ESR2: variants seen among roughly 807,000 people sequenced by gnomAD.
ESR2 encodes the protein estrogen receptor 2.
A neutral mutation model predicts 49.6 loss-of-function variants in ESR2; 36 were observed. The observed-to-expected ratio is 0.73, with a 90% CI of 0.56 to 0.96. The LOEUF (loss-of-function observed/expected upper bound fraction) is 0.96. ESR2 is among the 40% of genes least tolerant of loss of function. The pLI is 0.00. For missense variants in ESR2, 714 were observed against 693.0 expected (o/e 1.03, Z -0.34); for synonymous variants, 320 against 266.1 (o/e 1.20, Z -1.97).
intron 1 of ESR2, among the ~76,000 whole-genome samples, chr14:64,334,826 T>C (rs1450666680): frequency 6.6e-6 from 1 of 152,194 alleles, no homozygotes; most frequent in Non-Finnish European, 1.5e-5. Flanking sequence ...TTTGTATTTT[T>C]AGTAGAGACG....
chr14:64,240,035 G>A (rs141738252), intron 7 of ESR2, among the ~76,000 whole-genome samples: 12 of 152,354 alleles, frequency 7.9e-5, no homozygotes, highest in African/African-American at 2.4e-4. Flanking sequence ...AAACTGAGCT[G>A]AAATTTAGCT....
chr14:64,234,938 G>T, intron 8 of ESR2, 32 bp downstream of exon 8: 1 of 1,604,036 alleles, frequency 6.2e-7, no homozygotes, highest in South Asian at 1.1e-5. Context: ...CCCATCCCAA[G>T]CCCAAGCAGA....
chr14:64,276,714 G>C (rs1327821842), intron 3 of ESR2, among the ~76,000 whole-genome samples: 2 of 152,104 alleles, frequency 1.3e-5, no homozygotes, highest in African/African-American at 4.8e-5. Flanking sequence ...CAATAATAAA[G>C]AGTTAAATAA....
intron 1 of ESR2, among the ~76,000 whole-genome samples, chr14:64,315,239 G>C (rs2077239186): frequency 9.6e-6 from 1 of 103,810 alleles, no homozygotes; most frequent in Non-Finnish European, 1.8e-5. Flanking sequence ...GCGAGAGTCT[G>C]TCTCAAAAAA....
rs139951512 is a variant in ESR2, at chr14:64,282,893, G to GTA, written c.91_92dup (p.Ile32ThrfsTer7). The GTA allele has an allele frequency of 4.3e-5, 69 of 1,614,204 alleles. No homozygotes were observed. The East Asian group carries it at 1.5e-3, about 35-fold the overall frequency. On this transcript the variant is annotated frameshift_variant, in exon 2 of 9. Transcript: ENST00000341099. LOFTEE classifies it high-confidence loss of function. ...GGCTGTCTACATAGGAGGAAGGTAT[G>GTA]TATATGGAGCCGTGCTCCAGGGGTA...
At chr14:64,267,830 G>T (rs1173764600) in intron 4 of ESR2, among the ~76,000 whole-genome samples, 2 of 150,804 alleles carry the variant, frequency 1.3e-5, no homozygotes, top group African/African-American at 2.4e-5. Flanking sequence ...CTTGTAGTGG[G>T]CTGAGAATGG....
At chr14:64,333,516 A>G (rs1472606091) in intron 1 of ESR2, among the ~76,000 whole-genome samples, 1 of 152,156 alleles carries the variant, frequency 6.6e-6, no homozygotes, top group Non-Finnish European at 1.5e-5. Flanking sequence ...CACACTGCTG[A>G]TAAAGACATG....
intron 7 of ESR2, among the ~76,000 whole-genome samples, chr14:64,244,470 C>T (rs1268643188): frequency 6.6e-6 from 1 of 151,890 alleles, no homozygotes; most frequent in African/African-American, 2.4e-5. Flanking sequence ...TTGGCAGGCA[C>T]CGTCCAATTG....
Position 64,249,533 on chromosome 14 carries a change from T to A in ESR2, c.1225+13A>T. 2 of 1,612,956 alleles carry A rather than the reference T, an allele frequency of 1.2e-6. No individual in the cohort carries two copies. Among genetic ancestry groups the A allele is most frequent in the Non-Finnish European group, 1.7e-6 (2 of 1,179,566 alleles). On this transcript the variant is annotated intron_variant, in intron 7 of 8. Coordinates refer to ENST00000341099, the MANE Select transcript of ESR2 (RefSeq NM_001437.3). ...TCCCCGATAAAACATGGCCCAGCTG[T>A]GTGATTACTTACTGGAATTGAGCAG...
intron 1 of ESR2, among the ~76,000 whole-genome samples, chr14:64,315,243 CAAAAAAAAA>C (rs201805001): frequency 2.1e-5 from 1 of 46,800 alleles, no homozygotes; most frequent in African/African-American, 9.2e-5. Flanking sequence ...GAGTCTGTCT[CAAAAAAAAA>C]AAAAAAAAAA....
chr14:64,276,099 G>A (rs2076552577), intron 3 of ESR2, among the ~76,000 whole-genome samples: 1 of 151,892 alleles, frequency 6.6e-6, no homozygotes, highest in South Asian at 2.1e-4. Context: ...ATAATGCCTG[G>A]GTATGAAAGG....
intron 1 of ESR2, among the ~76,000 whole-genome samples, chr14:64,332,538 C>T (rs113607780): frequency 0.14 from 20,598 of 152,050 alleles, 1,835 homozygotes; most frequent in African/African-American, 0.25. Flanking sequence ...CGGTGGCTCA[C>T]GCCTGTAATC....
At position 64,230,082 on chromosome 14, in the gene ESR2, G is replaced by A. The variant is rs574859879; in HGVS notation, c.*3055C>T. On this transcript the variant is annotated 3_prime_UTR_variant, in exon 9 of 9. Transcript: ENST00000341099. ...AGCTACTCGGCGAGGGCGGGAATGG[G>A]GTGGGATGGGGCACTGTGGTGGGAG... is the stretch of plus-strand genomic sequence containing the variant. Among the ~76,000 whole-genome samples, 28 of 152,010 alleles carry A rather than the reference G, an allele frequency of 1.8e-4. 1 individual carries two copies. The South Asian group carries it at 5.4e-3, about 29-fold the overall frequency.
In ESR2 at chr14:64,233,412, A is replaced by G. The variant is rs2098729241; in HGVS notation, c.1407-89T>C. ...TCCCCGGCTCTCTTTGCTCAGAGCC[A>G]GTCTACCCCACCCCTAAACCCACTC... On this transcript the variant is annotated intron_variant, in intron 8 of 8. Coordinates refer to ENST00000341099, the MANE Select transcript of ESR2 (RefSeq NM_001437.3). 4 of 1,287,346 alleles carry G rather than the reference A, an allele frequency of 3.1e-6. No individual in the cohort carries two copies. In the Admixed American group the frequency reaches 5.5e-5, roughly 18 times the overall value. The allele number at this position is 1,287,346 out of a possible 1,614,324, so 79.7% of individuals were successfully genotyped here. A position where few individuals can be genotyped will look rare whatever the true frequency, so the allele number is the denominator to read the frequency against.
At position 64,311,691 on chromosome 14, in the gene ESR2, G is replaced by A. The variant is rs986227803; in HGVS notation, c.-91+26207C>T. Among the ~76,000 whole-genome samples, 4 of 150,182 alleles carry A rather than the reference G, an allele frequency of 2.7e-5. No homozygotes were observed. The Admixed American group carries it at 2.7e-4, about 10-fold the overall frequency. On this transcript the variant is annotated intron_variant, in intron 1 of 8. Transcript: ENST00000358599. ...TAGCCAGGCATGGTGGTGCATGCCTGTAGTACCAGCTATTTGGTAGGCTGA... is the reference window on the plus strand; with the variant it reads ...TAGCCAGGCATGGTGGTGCATGCCTATAGTACCAGCTATTTGGTAGGCTGA...
At chr14:64,257,402 T>TC (rs1567750211) in intron 5 of ESR2, 38 bp from the exon 6 acceptor site, 6 of 1,609,432 alleles carry the variant, frequency 3.7e-6, no homozygotes, top group Non-Finnish European at 5.1e-6. Context: ...CCCCCACCCC[T>TC]CCTCCTCAGC....
intron 5 of ESR2, among the ~76,000 whole-genome samples, chr14:64,259,655 A>G (rs1437561318): frequency 6.6e-6 from 1 of 152,212 alleles, no homozygotes; most frequent in Non-Finnish European, 1.5e-5. Context: ...CGCAGGTTCC[A>G]AGTGACAACT....
upstream of ESR2, among the ~76,000 whole-genome samples, chr14:64,295,598 G>A (rs545808506): frequency 9.8e-5 from 15 of 152,288 alleles, no homozygotes; most frequent in African/African-American, 3.6e-4. Flanking sequence ...TAGTTTGGAC[G>A]GGAAGAGTGT....
At chr14:64,239,424 C>T (rs955567662) in intron 7 of ESR2, among the ~76,000 whole-genome samples, 2 of 152,124 alleles carry the variant, frequency 1.3e-5, no homozygotes, top group Non-Finnish European at 2.9e-5. Flanking sequence ...CCTGGCTTAA[C>T]CCCTCTATTT....
Sources: gnomAD v4.1 joint callset for allele counts (sites outside exome capture counted in the v4.1 genomes callset) on GRCh38, gnomAD v4.1.1 for gene constraint, MANE v1.5 for transcripts, NCBI Gene and HGNC (gene_info 2026-07-23, HGNC 2026-07-21) for gene names.